The following FLT1 variants were observed in gnomAD, a reference collection of about 807,000 sequenced individuals.
FLT1 encodes the protein vascular endothelial growth factor receptor 1.
Under a neutral mutation model 156.3 loss-of-function variants are expected in FLT1, and 49 were observed. The ratio of observed to expected loss-of-function variants is 0.31; its 90% CI spans 0.25 to 0.40. The LOEUF is 0.40. Among genes scored for constraint, FLT1 ranks in the 10% least tolerant of loss-of-function variants. The pLI is 1.00. For missense variants in FLT1, 1,322 were observed against 1,637.2 expected, an observed-to-expected ratio of 0.81 and a Z score of 3.32; for synonymous variants, 594 against 583.8, an observed-to-expected ratio of 1.02 and a Z score of -0.25.
At chr13:28,479,824 C>T (rs892608510) in intron 1 of FLT1, among the ~76,000 whole-genome samples, 1 of 152,070 alleles carries the variant, frequency 6.6e-6, no homozygotes, top group Non-Finnish European at 1.5e-5. Context: ...TAGAAATTAG[C>T]TTTTTTAAAA....
chr13:28,416,526 AAGAT>A (rs1876656909), intron 10 of FLT1, among the ~76,000 whole-genome samples: 1 of 152,198 alleles, frequency 6.6e-6, no homozygotes, highest in African/African-American at 2.4e-5. Context: ...GTGTCCTAAT[AAGAT>A]ACTCAAACTC....
intron 17 of FLT1, among the ~76,000 whole-genome samples, chr13:28,334,900 A>T (rs1872059225): frequency 6.6e-6 from 1 of 152,012 alleles, no homozygotes; most frequent in South Asian, 2.1e-4. Context: ...GGGGGCAAGG[A>T]CCATGTCTGA....
At chr13:28,422,032 A>G (rs1416510088) in intron 10 of FLT1, among the ~76,000 whole-genome samples, 1 of 152,252 alleles carries the variant, frequency 6.6e-6, no homozygotes, top group Non-Finnish European at 1.5e-5. Flanking sequence ...TAATCACCAA[A>G]TATGTTTAAT....
At chr13:28,452,892 G>A (rs1008214981) in intron 3 of FLT1, among the ~76,000 whole-genome samples, 6 of 150,524 alleles carry the variant, frequency 4.0e-5, no homozygotes, top group African/African-American at 1.2e-4. Flanking sequence ...TTAATAATTT[G>A]CTTGAAATTC....
chr13:28,388,276 C>CACGTTTG (rs1453082050), intron 13 of FLT1: 13 of 1,056,758 alleles, frequency 1.2e-5, no homozygotes, highest in Non-Finnish European at 1.4e-5. Flanking sequence ...TTTACTCTTT[C>CACGTTTG]ACGTTTGACA....
rs758936491 is a variant in FLT1 at position 28,467,077 on chromosome 13, C to T, written c.214G>A (p.Glu72Lys). 28 of 1,614,008 alleles carry T rather than the reference C, an allele frequency of 1.7e-5. 1 individual carries two copies. The highest frequency in any genetic ancestry group is 1.6e-4 in the Middle Eastern group (1 of 6,084). ...GCAGATTTAGTTATGCTCAGCCTTT[C>T]GCTTTCCTTACTCACCATTTCAGGC... ...SLPEMVSKES[E>K]RLSITKSACG... The change falls in exon 3 of 30, where the codon GAA becomes AAA. Residue 72 changes from glutamate to lysine, a missense_variant. Glu to Lys is a moderately conservative substitution (Grantham distance 56). Coordinates refer to ENST00000282397, the MANE Select transcript of FLT1 (RefSeq NM_002019.4).
intron 18 of FLT1, among the ~76,000 whole-genome samples, chr13:28,333,722 T>C (rs1179443365): frequency 6.6e-6 from 1 of 152,192 alleles, no homozygotes; most frequent in Non-Finnish European, 1.5e-5. Context: ...AACCTGCAGT[T>C]ACAATGGGCT....
intron 14 of FLT1, among the ~76,000 whole-genome samples, chr13:28,376,185 C>A (rs1485646758): frequency 1.3e-5 from 2 of 152,124 alleles, no homozygotes; most frequent in Non-Finnish European, 2.9e-5. Context: ...CATTTGGTGT[C>A]AGTGATATAG....
intron 17 of FLT1, among the ~76,000 whole-genome samples, chr13:28,335,085 C>A (rs1252115893): frequency 6.6e-6 from 1 of 152,138 alleles, no homozygotes; most frequent in Non-Finnish European, 1.5e-5. Context: ...TTAGGGAGGG[C>A]ACTCCCTGGA....
chr13:28,354,727 C>CA (rs1177386389), intron 15 of FLT1, among the ~76,000 whole-genome samples: 2 of 151,396 alleles, frequency 1.3e-5, no homozygotes, highest in Non-Finnish European at 2.9e-5. Context: ...AGGAGAAGGC[C>CA]AAAAAACTAC....
At chr13:28,436,046 C>A (rs1463743577) in intron 4 of FLT1, among the ~76,000 whole-genome samples, 1 of 152,206 alleles carries the variant, frequency 6.6e-6, no homozygotes, top group African/African-American at 2.4e-5. Context: ...TAAAAATACA[C>A]TAAAATTTCC....
chr13:28,330,125 T>C (rs1203775185), intron 18 of FLT1, among the ~76,000 whole-genome samples: 2 of 152,200 alleles, frequency 1.3e-5, no homozygotes, highest in Non-Finnish European at 2.9e-5. Flanking sequence ...CCTTCTCCCT[T>C]TGGGGAGTCA....
Position 28,303,348 on chromosome 13 carries a change from C to G in FLT1, c.3836G>C (p.Ser1279Thr), listed in dbSNP as rs776931378. 8 of 1,614,062 alleles carry G rather than the reference C, an allele frequency of 5.0e-6. No individual in the cohort carries two copies. Among genetic ancestry groups the G allele is most frequent in the Middle Eastern group, 1.6e-4 (1 of 6,062 alleles). ...LKIDLRVTSK[S>T]KESGLSDVSR... ...GACATCAGACAGCCCCGACTCCTTA[C>G]TTTTACTGGTTACTCTCAAGCTAAA... The change falls in exon 30 of 30, where the codon AGT becomes ACT. Residue 1279 changes from serine to threonine, a missense_variant. By Grantham distance (58) the Ser-to-Thr change is moderately conservative (BLOSUM62 1). Coordinates refer to ENST00000282397, the MANE Select transcript of FLT1 (RefSeq NM_002019.4).
rs142971740 is a variant in FLT1, at chr13:28,317,694, G to A, written c.3287-97C>T. 1.6e-5 allele frequency: 13 copies of A among 790,702 alleles called. No individual in the cohort carries two copies. In the East Asian group the frequency reaches 3.0e-4, roughly 18 times the overall value. The allele number at this position is 790,702 out of a possible 1,614,324, so 49.0% of individuals were successfully genotyped here. A position where few individuals can be genotyped will look rare whatever the true frequency, so the allele number is the denominator to read the frequency against. Reference sequence around the variant, plus strand: ...TCAGTGTTTCTTTCCTCCCTTTAAAGCTACGTTTTAGTAATAAATTCCCAG... The same window carrying A: ...TCAGTGTTTCTTTCCTCCCTTTAAAACTACGTTTTAGTAATAAATTCCCAG... On this transcript the variant is annotated intron_variant, in intron 24 of 29. Transcript: ENST00000282397.
chr13:28,307,155 C>T (rs1335019592), intron 28 of FLT1, among the ~76,000 whole-genome samples: 1 of 152,228 alleles, frequency 6.6e-6, no homozygotes, highest in Non-Finnish European at 1.5e-5. Context: ...ATCATAGACA[C>T]AAATTCTAAG....
Position 28,317,606 on chromosome 13 carries a change from G to T in FLT1, c.3287-9C>A, listed in dbSNP as rs1361253421. On this transcript the variant is annotated splice_polypyrimidine_tract_variant and intron_variant, in intron 24 of 29. Coordinates refer to ENST00000282397, the MANE Select transcript of FLT1 (RefSeq NM_002019.4). ...TGGGTATGGAGACCCACCTGCGGGAGACAATGTGGAAAACACAGGGCCTGT... is the reference window on the plus strand; with the variant it reads ...TGGGTATGGAGACCCACCTGCGGGATACAATGTGGAAAACACAGGGCCTGT... The T allele has an allele frequency of 1.9e-6, 3 of 1,589,616 alleles. No homozygotes were observed. In the Admixed American group the frequency reaches 5.0e-5, roughly 27 times the overall value.
intron 1 of FLT1, among the ~76,000 whole-genome samples, chr13:28,470,445 G>A (rs558425575): frequency 6.6e-6 from 1 of 152,276 alleles, no homozygotes; most frequent in African/African-American, 2.4e-5. Context: ...GAAGCTTCCT[G>A]TGGAAACTTC....
intron 22 of FLT1, 49 bp from the exon 23 acceptor site, chr13:28,321,634 C>G (rs1871465423): frequency 6.3e-7 from 1 of 1,592,902 alleles, no homozygotes; most frequent in Non-Finnish European, 8.6e-7. Context: ...ACCTAACCAA[C>G]TAATTTCCTA....
At chr13:28,343,959 C>T (rs890746175) in intron 16 of FLT1, among the ~76,000 whole-genome samples, 1 of 151,986 alleles carries the variant, frequency 6.6e-6, no homozygotes, top group Admixed American at 6.6e-5. Flanking sequence ...TAATTTCTTA[C>T]CTGGACTACC....
Sources: gnomAD v4.1 joint callset for allele counts (sites outside exome capture counted in the v4.1 genomes callset) on GRCh38, gnomAD v4.1.1 for gene constraint, MANE v1.5 for transcripts, NCBI Gene and HGNC (gene_info 2026-07-23, HGNC 2026-07-21) for gene names.